Variants in SULT4A1 observed in about 807,000 individuals in gnomAD.
The protein encoded by SULT4A1 is sulfotransferase family 4A member 1.
SULT4A1 carries 11 observed loss-of-function variants against 35.2 expected under a neutral mutation model. The ratio of observed to expected loss-of-function variants is 0.31; its 90% CI spans 0.20 to 0.52. The LOEUF (loss-of-function observed/expected upper bound fraction) is 0.52, where lower values mean the gene tolerates loss of function less well. Among genes scored for constraint, SULT4A1 ranks in the 20% least tolerant of loss-of-function variants. The probability of loss-of-function intolerance (pLI) is 0.97; values close to 1 mark genes in which losing one functional copy is unlikely to be tolerated. For missense variants in SULT4A1, 271 were observed against 383.7 expected (o/e 0.71, Z 2.45); for synonymous variants, 152 against 151.8 (o/e 1.00, Z -0.01).
intron 1 of SULT4A1, 34 bp downstream of exon 1, chr22:43,862,180 A>G: frequency 6.7e-7 from 1 of 1,502,924 alleles, no homozygotes. Flanking sequence ...GGGCTGGGGC[A>G]TGGCGTGGCG....
intron 1 of SULT4A1, among the ~76,000 whole-genome samples, 194 bp from the exon 2 acceptor site, chr22:43,842,126 G>A (rs1034658230): frequency 3.3e-5 from 5 of 152,190 alleles, no homozygotes; most frequent in Non-Finnish European, 7.4e-5. Flanking sequence ...TGGGCCAGTC[G>A]GCTCTGATTC....
chr22:43,834,001 C>T (rs949707722), intron 4 of SULT4A1, among the ~76,000 whole-genome samples: 3 of 152,172 alleles, frequency 2.0e-5, no homozygotes, highest in African/African-American at 7.2e-5. Flanking sequence ...GGCAGTGGAC[C>T]GCAACAGTGC....
chr22:43,852,676 A>G (rs942550079), intron 1 of SULT4A1, among the ~76,000 whole-genome samples: 2 of 151,940 alleles, frequency 1.3e-5, no homozygotes, highest in Non-Finnish European at 2.9e-5. Context: ...GCTTCCGCAC[A>G]CTGTCTCTCA....
At chr22:43,854,230 G>A (rs571767446) in intron 1 of SULT4A1, among the ~76,000 whole-genome samples, 1 of 152,304 alleles carries the variant, frequency 6.6e-6, no homozygotes, top group South Asian at 2.1e-4. Flanking sequence ...CTCTGACTCT[G>A]GGCACGACCA....
chr22:43,833,544 C>A (rs1371011506), intron 5 of SULT4A1, 96 bp downstream of exon 5: 2 of 984,366 alleles, frequency 2.0e-6, no homozygotes, highest in East Asian at 5.3e-5. Flanking sequence ...ACCCCTCCTC[C>A]TCCTCCCACA....
rs1423821232 is a variant in SULT4A1 at position 43,841,892 on chromosome 22, C to T, written c.210G>A (p.Gln70=). ...AGCCGATCTCATCGGGGTCAGCGCC[C>T]TGGCTCACCAAGTAGACCACCTCCT... ...LLQEVVYLVS[Q]GADPDEIGLM... Residue 70 remains glutamine (Q), a synonymous_variant, in exon 2 of 7, where the codon CAG becomes CAA. Coordinates refer to ENST00000330884, the MANE Select transcript of SULT4A1 (RefSeq NM_014351.4). The T allele has an allele frequency of 6.2e-7, 1 of 1,613,954 alleles. No homozygotes were observed. Among genetic ancestry groups the T allele is most frequent in the Non-Finnish European group, 8.5e-7 (1 of 1,179,880 alleles).
intron 1 of SULT4A1, among the ~76,000 whole-genome samples, chr22:43,855,143 C>G (rs2049388621): frequency 1.3e-5 from 2 of 152,350 alleles, no homozygotes; most frequent in African/African-American, 4.8e-5. Flanking sequence ...ACTGACCCCA[C>G]TCATGACCCC....
At chr22:43,841,189 G>A (rs932261726) in intron 2 of SULT4A1, among the ~76,000 whole-genome samples, 6 of 152,216 alleles carry the variant, frequency 3.9e-5, no homozygotes, top group African/African-American at 1.2e-4. Context: ...AGGGGCCCTG[G>A]AGGGCCACAG....
intron 1 of SULT4A1, among the ~76,000 whole-genome samples, chr22:43,853,939 T>TA (rs1569505018): frequency 1.3e-5 from 2 of 152,012 alleles, no homozygotes; most frequent in African/African-American, 2.4e-5. Context: ...AAGGCTTTTG[T>TA]AAAAAAACAG....
In SULT4A1 at chr22:43,825,996, T is replaced by C; in HGVS notation, c.*5A>G. The C allele has an allele frequency of 6.2e-7, 1 of 1,613,588 alleles. No homozygotes were observed. Among genetic ancestry groups the C allele is most frequent in the Non-Finnish European group, 8.5e-7 (1 of 1,179,564 alleles). ...TTGTGAGCATGCAGGTTGTTGTTTCTGTTATTATAAATAAAAGTCAAACGT... is the reference window on the plus strand; with the variant it reads ...TTGTGAGCATGCAGGTTGTTGTTTCCGTTATTATAAATAAAAGTCAAACGT... On this transcript the variant is annotated 3_prime_UTR_variant, in exon 7 of 7. Transcript: ENST00000330884.
chr22:43,829,718 C>T (rs184093101), intron 5 of SULT4A1, among the ~76,000 whole-genome samples: 3 of 152,322 alleles, frequency 2.0e-5, no homozygotes, highest in Admixed American at 6.5e-5. Context: ...CGCCTGACAG[C>T]GGAATGTCAC....
At chr22:43,846,970 C>T (rs746580501) in intron 1 of SULT4A1, among the ~76,000 whole-genome samples, 1 of 152,160 alleles carries the variant, frequency 6.6e-6, no homozygotes, top group African/African-American at 2.4e-5. Context: ...ACATCAATAT[C>T]GGCCACTTCA....
chr22:43,835,600 C>A (rs1384657437), intron 4 of SULT4A1, among the ~76,000 whole-genome samples: 2 of 152,088 alleles, frequency 1.3e-5, no homozygotes, highest in Non-Finnish European at 2.9e-5. Context: ...TCATGGGGGC[C>A]CAGACAGGGA....
In SULT4A1 at chr22:43,832,465, C is replaced by G. The variant is rs547670569; in HGVS notation, c.603+1175G>C. ...CGAGCAAGCCCCGAAAGGCCACGCT[C>G]CTGCGAAGGCCGACCTGGCCCGTGC... On this transcript the variant is annotated intron_variant, in intron 5 of 6. Coordinates refer to ENST00000330884, the MANE Select transcript of SULT4A1 (RefSeq NM_014351.4). Among the ~76,000 whole-genome samples, 8 of 152,280 alleles carry G rather than the reference C, an allele frequency of 5.3e-5. No homozygotes were observed. The South Asian group carries it at 8.3e-4, about 16-fold the overall frequency.
chr22:43,832,552 G>GCA (rs1373497445), intron 5 of SULT4A1, among the ~76,000 whole-genome samples: 1 of 151,988 alleles, frequency 6.6e-6, no homozygotes, highest in South Asian at 2.1e-4. Flanking sequence ...GAAACGCAAG[G>GCA]CACACCCCCA....
intron 1 of SULT4A1, among the ~76,000 whole-genome samples, chr22:43,843,280 G>A (rs1174556862): frequency 1.3e-5 from 2 of 152,126 alleles, no homozygotes; most frequent in Non-Finnish European, 2.9e-5. Context: ...ACATTAGCTG[G>A]GCATAGTGGC....
At chr22:43,845,163 T>A (rs1454538649) in intron 1 of SULT4A1, among the ~76,000 whole-genome samples, 1 of 152,178 alleles carries the variant, frequency 6.6e-6, no homozygotes, top group African/African-American at 2.4e-5. Flanking sequence ...GGTCCCTTCA[T>A]ATCGGCGGCT....
rs1290869764 is a variant in SULT4A1 at position 43,842,827 on chromosome 22, G to A, written c.170-895C>T. ...GGTCTAGAGCTATTAACTGGGTCTG[G>A]TGGGAATTACATGGAAGCATGCTAC... On this transcript the variant is annotated intron_variant, in intron 1 of 6. Transcript: ENST00000330884. 3.3e-5 allele frequency among the ~76,000 whole-genome samples: 5 copies of A among 152,210 alleles called. No individual in the cohort carries two copies. In the East Asian group the frequency reaches 9.6e-4, roughly 29 times the overall value.
In SULT4A1 at chr22:43,833,614, A is replaced by C. The variant is rs912071102; in HGVS notation, c.603+26T>G. The C allele has an allele frequency of 1.9e-6, 3 of 1,576,006 alleles. No homozygotes were observed. In the Admixed American group the frequency reaches 5.5e-5, roughly 29 times the overall value. ...CCAGGCCGAGGGCCAGGGCACCCGG[A>C]GGACAGCTGCTCCGGCAGCACTCAC... is the stretch of plus-strand genomic sequence containing the variant. On this transcript the variant is annotated intron_variant, in intron 5 of 6. Transcript: ENST00000330884.
Sources: gnomAD v4.1 joint callset for allele counts (sites outside exome capture counted in the v4.1 genomes callset) on GRCh38, gnomAD v4.1.1 for gene constraint, MANE v1.5 for transcripts, NCBI Gene and HGNC (gene_info 2026-07-23, HGNC 2026-07-21) for gene names.